Variants in RBPMS2 observed in about 807,000 individuals in gnomAD.
RBPMS2 encodes RNA-binding protein with multiple splicing 2.
In RBPMS2, 14 loss-of-function variants were observed where a neutral mutation model predicts 25.7. The observed-to-expected ratio is 0.55, with a 90% CI of 0.36 to 0.85. The LOEUF (loss-of-function observed/expected upper bound fraction) is 0.85, where lower values mean the gene tolerates loss of function less well. RBPMS2 is among the 40% of genes least tolerant of loss of function. RBPMS2 has a pLI of 0.01. For synonymous variants in RBPMS2, 127 were observed against 115.6 expected (o/e 1.10, Z -0.63); for missense variants, 252 against 283.4 (o/e 0.89, Z 0.80).
At chr15:64,761,698 T>C (rs2083789111) in intron 1 of RBPMS2, among the ~76,000 whole-genome samples, 1 of 131,450 alleles carries the variant, frequency 7.6e-6, no homozygotes, top group Admixed American at 7.4e-5. Context: ...AAGCCCAGCT[T>C]TTTTTTTTTT....
intron 4 of RBPMS2, 35 bp downstream of exon 4, chr15:64,749,394 CTG>C: frequency 6.4e-7 from 1 of 1,574,144 alleles, no homozygotes; most frequent in Non-Finnish European, 8.7e-7. Context: ...CCTAAGAGGG[CTG>C]TGAGTCAGAG....
chr15:64,748,630 G>A, intron 5 of RBPMS2, 63 bp from the exon 6 acceptor site: 1 of 1,503,098 alleles, frequency 6.7e-7, no homozygotes, highest in Non-Finnish European at 8.9e-7. Context: ...AACGGAGAAG[G>A]GGACCCAGCA....
intron 6 of RBPMS2, among the ~76,000 whole-genome samples, chr15:64,747,634 G>A (rs1324950394): frequency 6.6e-6 from 1 of 152,180 alleles, no homozygotes; most frequent in Non-Finnish European, 1.5e-5. Flanking sequence ...CGCACAGTGG[G>A]ATGAGACCTC....
At chr15:64,753,065 G>A (rs369573749) in intron 1 of RBPMS2, among the ~76,000 whole-genome samples, 1 of 152,274 alleles carries the variant, frequency 6.6e-6, no homozygotes, top group African/African-American at 2.4e-5. Context: ...AAATTGTGAT[G>A]GGGAAGGGGA....
chr15:64,774,622 G>C (rs1023343092), intron 1 of RBPMS2, among the ~76,000 whole-genome samples: 3 of 56,030 alleles, frequency 5.4e-5, no homozygotes, highest in African/African-American at 1.2e-4. Context: ...AGTGTCTTTA[G>C]TCATCTTCCA....
chr15:64,748,885 T>C (rs929548035), intron 5 of RBPMS2, 115 bp downstream of exon 5: 2 of 1,205,374 alleles, frequency 1.7e-6, no homozygotes, highest in Non-Finnish European at 2.3e-6. Context: ...GTTTCAAAAA[T>C]GGGTGGCCGT....
intron 1 of RBPMS2, among the ~76,000 whole-genome samples, chr15:64,754,876 C>T (rs1309664170): frequency 6.6e-6 from 1 of 152,132 alleles, no homozygotes. Flanking sequence ...AGTGCAGCCA[C>T]CAGCGTCCTG....
intron 1 of RBPMS2, among the ~76,000 whole-genome samples, chr15:64,769,718 G>A (rs771067336): frequency 1.3e-5 from 2 of 152,136 alleles, no homozygotes; most frequent in Admixed American, 6.5e-5. Flanking sequence ...TATTATCTTC[G>A]TGCAATGGCA....
intron 1 of RBPMS2, among the ~76,000 whole-genome samples, chr15:64,756,744 G>A (rs1258054258): frequency 7.4e-5 from 11 of 148,782 alleles, no homozygotes; most frequent in African/African-American, 2.7e-4. Flanking sequence ...GGGTTCAAAT[G>A]ATTCTCCTGC....
chr15:64,743,432 G>C (rs2083582812), intron 6 of RBPMS2, among the ~76,000 whole-genome samples: 1 of 152,274 alleles, frequency 6.6e-6, no homozygotes, highest in Non-Finnish European at 1.5e-5. Flanking sequence ...GGACAGCTGT[G>C]CCACTGAAGC....
At chr15:64,771,085 T>C (rs2083890195) in intron 1 of RBPMS2, among the ~76,000 whole-genome samples, 1 of 152,230 alleles carries the variant, frequency 6.6e-6, no homozygotes, top group Admixed American at 6.5e-5. Flanking sequence ...CTTTTTTAAC[T>C]CTTAAGAAAC....
intron 1 of RBPMS2, among the ~76,000 whole-genome samples, chr15:64,761,870 G>C (rs747803796): frequency 6.6e-6 from 1 of 151,646 alleles, no homozygotes; most frequent in Admixed American, 6.6e-5. Flanking sequence ...CACCATGCCC[G>C]ACAATTTTTG....
At chr15:64,741,960 G>A (rs1053982996) in intron 6 of RBPMS2, among the ~76,000 whole-genome samples, 5 of 152,216 alleles carry the variant, frequency 3.3e-5, no homozygotes, top group Admixed American at 1.3e-4. Context: ...GAGGTTCAGA[G>A]TTCGAGACCA....
intron 3 of RBPMS2, among the ~76,000 whole-genome samples, chr15:64,749,881 C>T (rs1275167276): frequency 6.6e-6 from 1 of 152,194 alleles, no homozygotes; most frequent in East Asian, 1.9e-4. Flanking sequence ...GGGAAGACTC[C>T]GGTTCTATCA....
intron 1 of RBPMS2, among the ~76,000 whole-genome samples, chr15:64,756,372 G>T (rs2083731176): frequency 6.6e-6 from 1 of 152,108 alleles, no homozygotes; most frequent in African/African-American, 2.4e-5. Context: ...AAAGTTAGCT[G>T]GGTGTGGTGG....
At chr15:64,767,613 C>T (rs1468861137) in intron 1 of RBPMS2, among the ~76,000 whole-genome samples, 3 of 152,232 alleles carry the variant, frequency 2.0e-5, no homozygotes, top group Non-Finnish European at 2.9e-5. Context: ...CTACTTACGG[C>T]GCTTGCCAGT....
chr15:64,741,309 A>G (rs1179003473), intron 6 of RBPMS2, 67 bp from the exon 7 acceptor site: 6 of 1,316,626 alleles, frequency 4.6e-6, no homozygotes, highest in East Asian at 5.0e-5. Context: ...CCAGGTAACC[A>G]TGGCCATCGG....
intron 1 of RBPMS2, among the ~76,000 whole-genome samples, chr15:64,764,294 C>A (rs1406957476): frequency 6.6e-6 from 1 of 152,176 alleles, no homozygotes; most frequent in Non-Finnish European, 1.5e-5. Flanking sequence ...ACAGAAGGGA[C>A]TAGATTCAAG....
chr15:64,749,290 T>C, intron 4 of RBPMS2, 140 bp from the exon 5 acceptor site: 4 of 1,323,690 alleles, frequency 3.0e-6, no homozygotes, highest in Non-Finnish European at 4.3e-6. Context: ...GAAAGGCAGC[T>C]CAGGCCTTGA....
Sources: gnomAD v4.1 joint callset for allele counts (sites outside exome capture counted in the v4.1 genomes callset) on GRCh38, gnomAD v4.1.1 for gene constraint, MANE v1.5 for transcripts, NCBI Gene and HGNC (gene_info 2026-07-23, HGNC 2026-07-21) for gene names.